EYS: variants seen among roughly 807,000 people sequenced by gnomAD.
EYS encodes EGF-like photoreceptor maintenance factor, also known as protein eyes shut homolog.
In EYS, 250 loss-of-function variants were observed where a neutral mutation model predicts 282.1. The ratio of observed to expected loss-of-function variants is 0.89; its 90% CI spans 0.80 to 0.98. The LOEUF is 0.98. Ranked by LOEUF, EYS falls within the 50% of genes least tolerant of loss-of-function variation. The probability of loss-of-function intolerance (pLI) is 0.00; values close to 1 mark genes in which losing one functional copy is unlikely to be tolerated. For missense variants in EYS, 4,016 were observed against 3,709.0 expected (o/e 1.08, Z -2.15); for synonymous variants, 1,355 against 1,282.9 (o/e 1.06, Z -1.20).
chr6:63,746,349 C>T (rs1340981770), intron 41 of EYS, among the ~76,000 whole-genome samples: 1 of 152,182 alleles, frequency 6.6e-6, no homozygotes, highest in Non-Finnish European at 1.5e-5. Flanking sequence ...AGGATTTTTG[C>T]ATCAATGTTC....
intron 2 of EYS, among the ~76,000 whole-genome samples, chr6:65,549,900 C>T (rs1265532526): frequency 6.6e-6 from 1 of 152,144 alleles, no homozygotes; most frequent in Non-Finnish European, 1.5e-5. Flanking sequence ...GATCGATGTT[C>T]CACCATACAG....
intron 35 of EYS, among the ~76,000 whole-genome samples, chr6:63,936,481 G>GC (rs199856703): frequency 0.011 from 1,613 of 152,176 alleles, 24 homozygotes; most frequent in African/African-American, 0.037. Flanking sequence ...CTCCCCTAAA[G>GC]CCCCCAGCTT....
intron 31 of EYS, among the ~76,000 whole-genome samples, chr6:64,214,299 T>C (rs1765865025): frequency 6.6e-6 from 1 of 152,144 alleles, no homozygotes; most frequent in African/African-American, 2.4e-5. Flanking sequence ...GTGGCTCTTT[T>C]GCATTTTCTG....
chr6:65,053,188 A>AAGTT (rs1247313995), intron 13 of EYS, among the ~76,000 whole-genome samples: 1 of 151,788 alleles, frequency 6.6e-6, no homozygotes. Flanking sequence ...GTGCTTTAAA[A>AAGTT]AGTTATAACT....
chr6:63,911,614 G>A (rs919642617), intron 35 of EYS, among the ~76,000 whole-genome samples: 1 of 152,188 alleles, frequency 6.6e-6, no homozygotes, highest in African/African-American at 2.4e-5. Flanking sequence ...ACTTTGGACA[G>A]TATGACCTGG....
intron 3 of EYS, 92 bp downstream of exon 3, chr6:65,495,767 A>C: frequency 3.1e-6 from 1 of 326,432 alleles, no homozygotes; most frequent in Non-Finnish European, 5.7e-6. Context: ...CAAGAAAAAC[A>C]TGATCAAGAT....
chr6:65,562,961 T>C (rs1471126145), intron 2 of EYS, among the ~76,000 whole-genome samples: 1 of 152,060 alleles, frequency 6.6e-6, no homozygotes, highest in African/African-American at 2.4e-5. Context: ...AAAATGGTAC[T>C]TTTTTTGCCT....
intron 26 of EYS, among the ~76,000 whole-genome samples, chr6:64,479,066 T>G (rs1394920410): frequency 1.3e-5 from 2 of 151,974 alleles, no homozygotes; most frequent in African/African-American, 4.8e-5. Context: ...ACATTTTTCT[T>G]ATACTATCAA....
At chr6:63,836,008 G>A (rs1771795775) in intron 36 of EYS, among the ~76,000 whole-genome samples, 3 of 151,874 alleles carry the variant, frequency 2.0e-5, no homozygotes, top group African/African-American at 7.3e-5. Flanking sequence ...TCCCATTATT[G>A]GGCTGTTATG....
chr6:63,738,568 C>G (rs970726861), intron 41 of EYS, among the ~76,000 whole-genome samples: 2 of 125,252 alleles, frequency 1.6e-5, no homozygotes, highest in African/African-American at 6.3e-5. Context: ...AGGGGAACAT[C>G]ACACTCTGGG....
chr6:64,784,937 G>A (rs1182995302), intron 22 of EYS, among the ~76,000 whole-genome samples: 1 of 152,028 alleles, frequency 6.6e-6, no homozygotes, highest in Non-Finnish European at 1.5e-5. Context: ...GAGAACACAA[G>A]ATGTCTTCTG....
intron 30 of EYS, among the ~76,000 whole-genome samples, chr6:64,301,953 A>G (rs1269867675): frequency 6.6e-6 from 1 of 151,816 alleles, no homozygotes; most frequent in Admixed American, 6.6e-5. Context: ...GCCCATCAAT[A>G]TTGTTAGCGA....
At chr6:64,989,443 C>T (rs1770979160) in intron 14 of EYS, among the ~76,000 whole-genome samples, 1 of 69,402 alleles carries the variant, frequency 1.4e-5, no homozygotes, top group African/African-American at 9.0e-5. Context: ...CAGGAAGAGG[C>T]TATTTACTGG....
chr6:64,996,466 A>C (rs1249144598), intron 14 of EYS, among the ~76,000 whole-genome samples: 1 of 152,186 alleles, frequency 6.6e-6, no homozygotes, highest in Non-Finnish European at 1.5e-5. Flanking sequence ...CTCAGAAAGA[A>C]TGCCTCCCTT....
At chr6:65,241,259 C>T (rs1767051629) in intron 12 of EYS, among the ~76,000 whole-genome samples, 1 of 152,028 alleles carries the variant, frequency 6.6e-6, no homozygotes, top group African/African-American at 2.4e-5. Flanking sequence ...ATTTAAGTGA[C>T]CATTTTATTT....
Position 65,295,941 on chromosome 6 carries a change from A to T in EYS, c.1945T>A (p.Ser649Thr). 1.9e-6 allele frequency: 3 copies of T among 1,550,990 alleles called. No individual in the cohort carries two copies. Among genetic ancestry groups the T allele is most frequent in the Middle Eastern group, 1.7e-4 (1 of 5,992 alleles). ...ICEIDTEDCKSASCKNGTTST... is the reference protein window; with the variant it reads ...ICEIDTEDCKTASCKNGTTST... Reference sequence around the variant, plus strand: ...GTTGTTCCATTTTTGCAGGACGCAGATTTGCAGTCTTCAGTATCTATCTCA... The same window carrying T: ...GTTGTTCCATTTTTGCAGGACGCAGTTTTGCAGTCTTCAGTATCTATCTCA... Residue 649 changes from serine to threonine, a missense_variant, in exon 12 of 43, where the codon TCT (serine) becomes ACT (threonine). Transcript: ENST00000503581.
At chr6:64,140,231 G>A (rs1774298524) in intron 31 of EYS, among the ~76,000 whole-genome samples, 1 of 152,114 alleles carries the variant, frequency 6.6e-6, no homozygotes, top group African/African-American at 2.4e-5. Flanking sequence ...TAATAAACCT[G>A]AATCACAAAA....
chr6:63,977,793 G>C (rs1398629114), intron 35 of EYS, among the ~76,000 whole-genome samples: 1 of 151,904 alleles, frequency 6.6e-6, no homozygotes, highest in Admixed American at 6.6e-5. Context: ...AAAACCTTTC[G>C]ATATTTTTCA....
At chr6:64,850,329 T>G (rs1442896136) in intron 19 of EYS, among the ~76,000 whole-genome samples, 1 of 152,136 alleles carries the variant, frequency 6.6e-6, no homozygotes, top group Non-Finnish European at 1.5e-5. Context: ...CATCCATGTT[T>G]ATTCACTCTG....
Sources: gnomAD v4.1 joint callset for allele counts (sites outside exome capture counted in the v4.1 genomes callset) on GRCh38, gnomAD v4.1.1 for gene constraint, MANE v1.5 for transcripts, NCBI Gene and HGNC (gene_info 2026-07-23, HGNC 2026-07-21) for gene names.